The following NAB1 variants were observed in gnomAD, a reference collection of about 807,000 sequenced individuals.
NAB1 encodes the protein NGFI-A-binding protein 1.
Under a neutral mutation model 49.9 loss-of-function variants are expected in NAB1, and 25 were observed. The ratio of observed to expected loss-of-function variants is 0.50; its 90% CI spans 0.37 to 0.70. The LOEUF (loss-of-function observed/expected upper bound fraction) is 0.70, where lower values mean the gene tolerates loss of function less well. Ranked by LOEUF, NAB1 falls within the 30% of genes least tolerant of loss-of-function variation. The pLI is 0.00. For missense variants in NAB1, 489 were observed against 575.9 expected (o/e 0.85, Z 1.54); for synonymous variants, 198 against 215.6 (o/e 0.92, Z 0.71).
In NAB1 at chr2:190,670,169, G is replaced by A. The variant is rs1220792130; in HGVS notation, c.820-157G>A. 3.9e-5 allele frequency among the ~76,000 whole-genome samples: 6 copies of A among 152,150 alleles called. No homozygotes were observed. The South Asian group carries it at 8.3e-4, about 21-fold the overall frequency. On this transcript the variant is annotated intron_variant, in intron 4 of 9. Coordinates refer to ENST00000337386, the MANE Select transcript of NAB1 (RefSeq NM_005966.4). The surrounding 1 kb of genome is among the most constrained non-coding windows in gnomAD (Gnocchi z 5.3). ...ATGAGTTGGTTTTCTTCTGAAATTC[G>A]GCATTAGGAATAATTAGGAATAAAT...
chr2:190,685,783 C>A lies in NAB1; in HGVS notation c.1258+145C>A. 1.4e-6 allele frequency: 1 copy of A among 711,580 alleles called. No homozygotes were observed. The highest frequency in any genetic ancestry group is 2.0e-6 in the Non-Finnish European group (1 of 496,654). The allele number at this position is 711,580 out of a possible 1,614,324, so 44.1% of individuals were successfully genotyped here. On this transcript the variant is annotated intron_variant, in intron 8 of 9. Transcript: ENST00000337386. This position sits in a 1 kb window ranked among gnomAD's most constrained non-coding sequence, Gnocchi z 4.5. ...TATCAAAATTATTTTTTGAATTCTT[C>A]ATTTTTCTAAAAAGATAATTTATCC... is the stretch of plus-strand genomic sequence containing the variant.
rs539711955 is a variant in NAB1 at position 190,684,044 on chromosome 2, T to C, written c.1095+217T>C. Among the ~76,000 whole-genome samples the C allele has an allele frequency of 9.8e-5, 15 of 152,336 alleles. No homozygotes were observed. The highest frequency in any genetic ancestry group is 6.8e-3 in the Middle Eastern group (2 of 294). On this transcript the variant is annotated intron_variant, in intron 7 of 9. Coordinates refer to ENST00000337386, the MANE Select transcript of NAB1 (RefSeq NM_005966.4). This position sits in a 1 kb window ranked among gnomAD's most constrained non-coding sequence, Gnocchi z 4.6. ...ACGGAATCTGATATGGTGCTACTTATTTATTCTTGTAGTTTTGTAGGAAGT... is the reference window on the plus strand; with the variant it reads ...ACGGAATCTGATATGGTGCTACTTACTTATTCTTGTAGTTTTGTAGGAAGT...
At chr2:190,690,210 A>G (rs1369886706) in intron 9 of NAB1, 35 bp from the exon 10 acceptor site, 3 of 1,440,460 alleles carry the variant, frequency 2.1e-6, no homozygotes, top group Non-Finnish European at 2.9e-6. Context: ...CCATTGATTA[A>G]AATATCAACT....
In NAB1 at chr2:190,686,600, A is replaced by G. The variant is rs1361541028; in HGVS notation, c.1259-601A>G. Among the ~76,000 whole-genome samples the G allele has an allele frequency of 1.3e-5, 2 of 152,186 alleles. No individual in the cohort carries two copies. The highest frequency in any genetic ancestry group is 2.9e-5 in the Non-Finnish European group (2 of 68,032). On this transcript the variant is annotated intron_variant, in intron 8 of 9. Coordinates refer to ENST00000337386, the MANE Select transcript of NAB1 (RefSeq NM_005966.4). This position sits in a 1 kb window ranked among gnomAD's most constrained non-coding sequence, Gnocchi z 5.5. ...GTTGAGGTCTTGTTTAACTTCTCCA[A>G]TTATCCTTAACAGTTAAGAAGCAAA...
rs763718186 is a variant in NAB1, at chr2:190,683,763, C to A, written c.1031C>A (p.Ser344Tyr). Residue 344 changes from serine (S) to tyrosine (Y), a missense_variant, in exon 7 of 10, where the codon TCT becomes TAT. Physicochemically the swap from Ser to Tyr is moderately radical, Grantham distance 144. Transcript: ENST00000337386. ...GATGGGTTTCCAGATTTCCAGGATT[C>A]TGTGCAAACACTCTTCCAGCAGGCT... ...VEDGFPDFQDSVQTLFQQARA... is the reference protein window; with the variant it reads ...VEDGFPDFQDYVQTLFQQARA... The A allele has an allele frequency of 6.2e-7, 1 of 1,613,316 alleles. No individual in the cohort carries two copies. Among genetic ancestry groups the A allele is most frequent in the Non-Finnish European group, 8.5e-7 (1 of 1,179,816 alleles).
In NAB1 at chr2:190,684,551, T is replaced by C. The variant is rs1236634250; in HGVS notation, c.1095+724T>C. 6.6e-6 allele frequency among the ~76,000 whole-genome samples: 1 copy of C among 152,244 alleles called. No homozygotes were observed. The highest frequency in any genetic ancestry group is 1.5e-5 in the Non-Finnish European group (1 of 68,032). On this transcript the variant is annotated intron_variant, in intron 7 of 9. Transcript: ENST00000337386. The surrounding 1 kb of genome is among the most constrained non-coding windows in gnomAD (Gnocchi z 4.6). ...AATGAAGTTGTAGTTACTTTTGATTTGGTTTATATGCACTCAGAAAAATAG... is the reference window on the plus strand; with the variant it reads ...AATGAAGTTGTAGTTACTTTTGATTCGGTTTATATGCACTCAGAAAAATAG...
Position 190,686,806 on chromosome 2 carries a change from C to A in NAB1, c.1259-395C>A, listed in dbSNP as rs575829518. On this transcript the variant is annotated intron_variant, in intron 8 of 9. Transcript: ENST00000337386. This position sits in a 1 kb window ranked among gnomAD's most constrained non-coding sequence, Gnocchi z 5.5. ...TTTGCTGTAGTTTTTTTTTTTTAAT[C>A]TTTAATTGGCTTGAAGCCTTCTGTG... Among the ~76,000 whole-genome samples the A allele has an allele frequency of 1.0e-4, 15 of 147,442 alleles. No homozygotes were observed. The highest frequency in any genetic ancestry group is 2.2e-4 in the South Asian group (1 of 4,582).
At chr2:190,665,407 T>C (rs942153286) in intron 4 of NAB1, among the ~76,000 whole-genome samples, 1 of 152,206 alleles carries the variant, frequency 6.6e-6, no homozygotes, top group Non-Finnish European at 1.5e-5. Flanking sequence ...CCTCTCCTGA[T>C]TCTCAAGTTT....
rs1006598605 is a variant in NAB1, at chr2:190,663,045, G to T, written c.819+3050G>T. On this transcript the variant is annotated intron_variant, in intron 4 of 9. Coordinates refer to ENST00000337386, the MANE Select transcript of NAB1 (RefSeq NM_005966.4). The surrounding 1 kb of genome is among the most constrained non-coding windows in gnomAD (Gnocchi z 4.2). ...AGGAGGAATGCTGAATCTGAGAACC[G>T]CATAAACGTGGTCACATTATTAAGT... 2.6e-5 allele frequency among the ~76,000 whole-genome samples: 4 copies of T among 152,160 alleles called. No individual in the cohort carries two copies. The highest frequency in any genetic ancestry group is 1.3e-4 in the Admixed American group (2 of 15,278).
intron 2 of NAB1, among the ~76,000 whole-genome samples, chr2:190,650,409 C>T (rs180845852): frequency 4.6e-5 from 7 of 152,226 alleles, no homozygotes; most frequent in African/African-American, 1.7e-4. Flanking sequence ...AATATTTTGG[C>T]AGTTTTAATA....
rs557234379 is a variant in NAB1 at position 190,682,509 on chromosome 2, C to A, written c.1006-1229C>A. On this transcript the variant is annotated intron_variant, in intron 6 of 9. Transcript: ENST00000337386. This position sits in a 1 kb window ranked among gnomAD's most constrained non-coding sequence, Gnocchi z 4.1. ...TTCAGGTTGGGATTATCGGTTAGCA[C>A]TTTAAAGAACATTTAGTTTGGATCG... Among the ~76,000 whole-genome samples the A allele has an allele frequency of 1.3e-5, 2 of 152,280 alleles. No homozygotes were observed. The highest frequency in any genetic ancestry group is 2.4e-5 in the African/African-American group (1 of 41,546).
At chr2:190,687,170 A>G (rs1695647664) in intron 8 of NAB1, 31 bp from the exon 9 acceptor site, 1 of 1,371,914 alleles carries the variant, frequency 7.3e-7, no homozygotes, top group Non-Finnish European at 9.9e-7. Context: ...TGTTTTTAAT[A>G]TTATGCATAT....
rs972444001 is a variant in NAB1, at chr2:190,676,698, A to C, written c.1005+3546A>C. ...ACCTTGTCTCAAACAAAGGAAAAAA[A>C]GTTTTTAAGTAACGTACAAATAAAC... is the stretch of plus-strand genomic sequence containing the variant. On this transcript the variant is annotated intron_variant, in intron 6 of 9. Coordinates refer to ENST00000337386, the MANE Select transcript of NAB1 (RefSeq NM_005966.4). This position sits in a 1 kb window ranked among gnomAD's most constrained non-coding sequence, Gnocchi z 4.6. Among the ~76,000 whole-genome samples, 44 of 152,350 alleles carry C rather than the reference A, an allele frequency of 2.9e-4. No individual in the cohort carries two copies. The highest frequency in any genetic ancestry group is 1.1e-3 in the African/African-American group (44 of 41,588).
rs750167573 is a variant in NAB1, at chr2:190,683,779, C to T, written c.1047C>T (p.Phe349=). The change falls in exon 7 of 10, where the codon TTC becomes TTT. Residue 349 remains phenylalanine, a synonymous_variant. Transcript: ENST00000337386. ...TCCAGGATTCTGTGCAAACACTCTT[C>T]CAGCAGGCTAGAGCTAAGAGTGAAG... The part of the protein sequence containing the change: ...PDFQDSVQTL[F]QQARAKSEEL... 1 of 1,613,818 alleles carries T rather than the reference C, an allele frequency of 6.2e-7. No individual in the cohort carries two copies. Among genetic ancestry groups the T allele is most frequent in the South Asian group, 1.1e-5 (1 of 90,986 alleles).
At chr2:190,668,647 A>G (rs1366583393) in intron 4 of NAB1, among the ~76,000 whole-genome samples, 2 of 152,248 alleles carry the variant, frequency 1.3e-5, no homozygotes, top group African/African-American at 4.8e-5. Flanking sequence ...TATTGGAATA[A>G]TGTATATTAG....
At chr2:190,671,861 C>T (rs1694830060) in intron 5 of NAB1, among the ~76,000 whole-genome samples, 1 of 148,310 alleles carries the variant, frequency 6.7e-6, no homozygotes, top group African/African-American at 2.5e-5. Context: ...CTGCAACCTC[C>T]ACCTCCTGGG....
At chr2:190,683,325 T>A (rs1172824389) in intron 6 of NAB1, among the ~76,000 whole-genome samples, 10 of 133,726 alleles carry the variant, frequency 7.5e-5, no homozygotes, top group East Asian at 2.4e-4. Context: ...TTTTTTTTTT[T>A]AGTAGAGATG....
At position 190,666,230 on chromosome 2, in the gene NAB1, A is replaced by G. The variant is rs376551130; in HGVS notation, c.820-4096A>G. 1.2e-4 allele frequency among the ~76,000 whole-genome samples: 19 copies of G among 152,240 alleles called. No individual in the cohort carries two copies. In the South Asian group the frequency reaches 3.5e-3, roughly 28 times the overall value. ...TCCTGATTGCCTTTTGAGCCTCCCT[A>G]TCACACAGTTGTTCACAGTGTTTTT... On this transcript the variant is annotated intron_variant, in intron 4 of 9. Transcript: ENST00000337386. This position sits in a 1 kb window ranked among gnomAD's most constrained non-coding sequence, Gnocchi z 5.6.
chr2:190,687,423 A>G (rs1426356357), intron 9 of NAB1, 106 bp downstream of exon 9: 5 of 608,896 alleles, frequency 8.2e-6, no homozygotes, highest in African/African-American at 8.1e-5. Context: ...AAAAAAAGTC[A>G]TTACTGACAG....
Sources: allele counts gnomAD v4.1 joint callset (sites outside exome capture counted in the v4.1 genomes callset), GRCh38; gene constraint gnomAD v4.1.1; non-coding constraint Gnocchi (gnomAD v3.1); transcripts MANE v1.5; gene names NCBI Gene and HGNC (gene_info 2026-07-23, HGNC 2026-07-21).